Variants in TMEM131L observed in about 807,000 individuals in gnomAD.
TMEM131L encodes the protein transmembrane protein 131-like.
In TMEM131L, 54 loss-of-function variants were observed where a neutral mutation model predicts 192.2. The observed-to-expected ratio is 0.28, with a 90% confidence interval of 0.23 to 0.35. The LOEUF is 0.35. TMEM131L is among the 10% of genes least tolerant of loss of function. The pLI is 1.00. For synonymous variants in TMEM131L, 701 were observed against 704.9 expected (o/e 0.99, Z 0.09); for missense variants, 1,888 against 1,972.9 (o/e 0.96, Z 0.82).
In TMEM131L at chr4:153,626,245, G is replaced by C; in HGVS notation, c.4124+20G>C. The C allele has an allele frequency of 6.7e-7, 1 of 1,482,538 alleles. No individual in the cohort carries two copies. The highest frequency in any genetic ancestry group is 9.4e-7 in the Non-Finnish European group (1 of 1,062,024). 91.8% of individuals were successfully genotyped at this position (1,482,538 alleles called of 1,614,324 possible). On this transcript the variant is annotated intron_variant, in intron 30 of 34. Transcript: ENST00000409959. Reference sequence around the variant, plus strand: ...TCCCATGTAAGTTTTTTATTTTCCAGCTTTTACAGTATGTTTTGTGTACTG... The same window carrying C: ...TCCCATGTAAGTTTTTTATTTTCCACCTTTTACAGTATGTTTTGTGTACTG...
chr4:153,497,856 T>G (rs1733289820), intron 3 of TMEM131L, among the ~76,000 whole-genome samples: 1 of 148,228 alleles, frequency 6.7e-6, no homozygotes. Context: ...ATCTTTTTTT[T>G]CTTTTTGTTA....
In TMEM131L at chr4:153,528,090, A is replaced by G. The variant is rs577076944; in HGVS notation, c.240-21983A>G. On this transcript the variant is annotated intron_variant, in intron 3 of 34. Coordinates refer to ENST00000409959, the MANE Select transcript of TMEM131L (RefSeq NM_001131007.2). ...CTGCCACGCCTTGTTGAGTTCTCTC[A>G]TCTCTGAAATAAAGAGGAAAATAGA... is the stretch of plus-strand genomic sequence containing the variant. Among the ~76,000 whole-genome samples the G allele has an allele frequency of 4.6e-5, 7 of 152,306 alleles. No individual in the cohort carries two copies. In the South Asian group the frequency reaches 1.4e-3, roughly 32 times the overall value.
chr4:153,572,392 G>A (rs544135719), intron 7 of TMEM131L, among the ~76,000 whole-genome samples: 11 of 152,226 alleles, frequency 7.2e-5, no homozygotes, highest in Middle Eastern at 3.4e-3. Flanking sequence ...GTGCAGTGGC[G>A]TGATCTCGGC....
chr4:153,524,455 A>C (rs79860579), intron 3 of TMEM131L, among the ~76,000 whole-genome samples: 1 of 152,074 alleles, frequency 6.6e-6, no homozygotes, highest in South Asian at 2.1e-4. Flanking sequence ...ATATGTTTTA[A>C]TGACTGACAT....
intron 7 of TMEM131L, among the ~76,000 whole-genome samples, chr4:153,570,358 C>T (rs951459110): frequency 7.2e-5 from 11 of 152,224 alleles, no homozygotes; most frequent in Non-Finnish European, 1.5e-4. Context: ...CCTTGGTTTC[C>T]GCTTGAATTC....
chr4:153,589,301 G>T (rs1578811679), intron 16 of TMEM131L, among the ~76,000 whole-genome samples: 1 of 151,924 alleles, frequency 6.6e-6, no homozygotes, highest in Non-Finnish European at 1.5e-5. Context: ...GCTTCTCTTT[G>T]GCATATCTGA....
chr4:153,587,290 T>C (rs953186277), intron 14 of TMEM131L, among the ~76,000 whole-genome samples: 10 of 152,096 alleles, frequency 6.6e-5, no homozygotes, highest in Non-Finnish European at 1.3e-4. Context: ...GGAGTTGTTA[T>C]AGATTGGCAT....
chr4:153,564,069 A>G (rs1351853660), intron 7 of TMEM131L, among the ~76,000 whole-genome samples: 4 of 151,790 alleles, frequency 2.6e-5, no homozygotes, highest in African/African-American at 9.7e-5. Flanking sequence ...TGGGCAGATT[A>G]CCTGAGGTCA....
Position 153,506,240 on chromosome 4 carries a change from A to C in TMEM131L, c.239+32352A>C, listed in dbSNP as rs1046746106. ...ACATTCTATTAGATTTCAAAGATAA[A>C]GAGAAAAAATTTCTCAAGGATTCCT... On this transcript the variant is annotated intron_variant, in intron 3 of 34. Transcript: ENST00000409959. 2.0e-5 allele frequency among the ~76,000 whole-genome samples: 3 copies of C among 152,224 alleles called. No individual in the cohort carries two copies. In the South Asian group the frequency reaches 6.2e-4, roughly 31 times the overall value.
intron 3 of TMEM131L, among the ~76,000 whole-genome samples, chr4:153,523,078 CTG>C (rs1364448703): frequency 2.6e-5 from 4 of 152,150 alleles, no homozygotes; most frequent in Non-Finnish European, 5.9e-5. Flanking sequence ...CATCAACGTA[CTG>C]TGTTTCTTAG....
intron 7 of TMEM131L, among the ~76,000 whole-genome samples, chr4:153,564,339 T>A (rs1729055655): frequency 6.8e-6 from 1 of 147,418 alleles, no homozygotes; most frequent in South Asian, 2.2e-4. Flanking sequence ...TGTATGCCCC[T>A]TCTGCCATTT....
chr4:153,539,167 C>CA (rs1436316407), intron 3 of TMEM131L, among the ~76,000 whole-genome samples: 7 of 152,138 alleles, frequency 4.6e-5, no homozygotes, highest in Non-Finnish European at 1.0e-4. Flanking sequence ...ATACCTCCCC[C>CA]AAAAGGGGGG....
At chr4:153,491,922 TC>T (rs1732814581) in intron 3 of TMEM131L, among the ~76,000 whole-genome samples, 1 of 151,948 alleles carries the variant, frequency 6.6e-6, no homozygotes, top group Non-Finnish European at 1.5e-5. Flanking sequence ...CCCAGGCTGG[TC>T]TTGAACTCCT....
At chr4:153,494,186 T>A (rs1377838735) in intron 3 of TMEM131L, among the ~76,000 whole-genome samples, 2 of 152,174 alleles carry the variant, frequency 1.3e-5, no homozygotes, top group African/African-American at 4.8e-5. Flanking sequence ...AAAGAAACTG[T>A]TAATAGTGGA....
intron 7 of TMEM131L, among the ~76,000 whole-genome samples, chr4:153,566,287 A>G (rs757275327): frequency 9.2e-5 from 14 of 152,000 alleles, no homozygotes; most frequent in Admixed American, 1.3e-4. Flanking sequence ...AGGCGCCCGC[A>G]AGCACGCCCA....
At chr4:153,582,368 CCAAGTAGCTGGGACCA>C (rs1323901000) in intron 9 of TMEM131L, among the ~76,000 whole-genome samples, 1 of 151,246 alleles carries the variant, frequency 6.6e-6, no homozygotes, top group African/African-American at 2.4e-5. Context: ...CCTTGGCCTC[CCAAGTAGCTGGGACCA>C]CAGGCGCACA....
Position 153,579,274 on chromosome 4 carries a change from G to T in TMEM131L, c.661-1552G>T, listed in dbSNP as rs145385237. 4.5e-3 allele frequency among the ~76,000 whole-genome samples: 682 copies of T among 152,088 alleles called. 3 individuals are homozygous for T. The highest frequency in any genetic ancestry group is 7.0e-3 in the Non-Finnish European group (477 of 67,992). On this transcript the variant is annotated intron_variant, in intron 7 of 34. Coordinates refer to ENST00000409959, the MANE Select transcript of TMEM131L (RefSeq NM_001131007.2). ...TACTTGGGAGGCTGAGGTGGAGGTTGCATGAGCCAAGATTGCACTACCCGA... is the reference window on the plus strand; with the variant it reads ...TACTTGGGAGGCTGAGGTGGAGGTTTCATGAGCCAAGATTGCACTACCCGA...
intron 19 of TMEM131L, among the ~76,000 whole-genome samples, chr4:153,595,724 A>AAAAAC (rs573242374): frequency 6.0e-4 from 90 of 149,728 alleles, no homozygotes; most frequent in South Asian, 1.3e-3. Flanking sequence ...CAAAAAAAAA[A>AAAAAC]AAAAACACGA....
intron 3 of TMEM131L, among the ~76,000 whole-genome samples, chr4:153,531,619 C>G (rs148505981): frequency 6.6e-6 from 1 of 152,068 alleles, no homozygotes; most frequent in South Asian, 2.1e-4. Context: ...ATTATATAAA[C>G]GTGGCATTTT....
Sources: allele counts gnomAD v4.1 joint callset (sites outside exome capture counted in the v4.1 genomes callset), GRCh38; gene constraint gnomAD v4.1.1; transcripts MANE v1.5; gene names NCBI Gene and HGNC (gene_info 2026-07-23, HGNC 2026-07-21).